Variants in KANTR observed in about 807,000 individuals in gnomAD.
KANTR encodes KANTR integral membrane protein.
downstream of KANTR, among the ~76,000 whole-genome samples, chrX:53,145,600 A>G (rs1933563797): frequency 8.9e-6 from 1 of 112,394 alleles, no homozygotes; most frequent in Non-Finnish European, 1.9e-5. Flanking sequence ...AAAAGGCAGC[A>G]GAATCCTCTG....
chrX:53,142,970 T>C, downstream of KANTR: 1 of 968,403 alleles, frequency 1.0e-6, no homozygotes, highest in Non-Finnish European at 1.5e-6. Context: ...TTGATCTTCA[T>C]GGTGCTGGAT....
intron 1 of KANTR, 103 bp downstream of exon 1, chrX:53,094,387 C>T (rs1429516851): frequency 8.9e-6 from 1 of 112,223 alleles, no homozygotes; most frequent in South Asian, 3.6e-4. Context: ...CTGGGGCGGC[C>T]TCTCAACCCT....
At chrX:53,105,854 C>CTTTTTT (rs1181859013) in intron 2 of KANTR, among the ~76,000 whole-genome samples, 3 of 72,071 alleles carry the variant, frequency 4.2e-5, no homozygotes, top group South Asian at 6.6e-4. Flanking sequence ...ATGTTTTTTT[C>CTTTTTT]TTTTTTTTTT....
At chrX:53,129,651 C>T (rs969765185), downstream of KANTR, among the ~76,000 whole-genome samples, 16 of 109,515 alleles carry the variant, frequency 1.5e-4, no homozygotes, top group Non-Finnish European at 2.8e-4. Context: ...TAATTTTTTT[C>T]GTAGGTGTTC....
chrX:53,140,184 G>A (rs2146758136), intron 2 of KANTR, among the ~76,000 whole-genome samples: 1 of 112,335 alleles, frequency 8.9e-6, no homozygotes, highest in African/African-American at 3.2e-5. Flanking sequence ...CTGTCTGGAA[G>A]TACCTTGTCA....
At chrX:53,114,977 T>C (rs1384705639) in intron 2 of KANTR, among the ~76,000 whole-genome samples, 1 of 107,655 alleles carries the variant, frequency 9.3e-6, no homozygotes, top group Non-Finnish European at 1.9e-5. Context: ...GCCTGGATTC[T>C]CTAGGCCCAG....
At chrX:53,121,223 A>T (rs1017060285) in intron 2 of KANTR, among the ~76,000 whole-genome samples, 5 of 110,822 alleles carry the variant, frequency 4.5e-5, no homozygotes, top group African/African-American at 1.6e-4. Flanking sequence ...GGTCTCTCGA[A>T]CTCCTGACCT....
chrX:53,139,505 A>T (rs1187237832), intron 2 of KANTR, among the ~76,000 whole-genome samples: 2 of 111,890 alleles, frequency 1.8e-5, no homozygotes, highest in Non-Finnish European at 3.8e-5. Flanking sequence ...CCTAGAATAT[A>T]AAAAGATTTC....
chrX:53,100,672 C>T (rs1932884350), intron 2 of KANTR, among the ~76,000 whole-genome samples: 1 of 109,187 alleles, frequency 9.2e-6, no homozygotes, highest in African/African-American at 3.3e-5. Context: ...GTGGCGGGCA[C>T]CTGTAATCCC....
At position 53,114,047 on chromosome X, in the gene KANTR, T is replaced by C. The variant is rs1222806815; in HGVS notation, c.-804-9422T>C. On this transcript the variant is annotated intron_variant, in intron 2 of 2. Coordinates refer to ENST00000604062, the Ensembl canonical transcript of KANTR. ...CCAAGTAACTGGGACCACAGACATG[T>C]GCCACTACATCCAGCTAATTTTTTT... Among the ~76,000 whole-genome samples the C allele has an allele frequency of 8.2e-5, 9 of 110,377 alleles. No homozygotes were observed. The Admixed American group carries it at 8.7e-4, about 11-fold the overall frequency.
chrX:53,094,536 C>G (rs1932832815), intron 1 of KANTR: 2 of 111,812 alleles, frequency 1.8e-5, no homozygotes, highest in South Asian at 7.5e-4. Flanking sequence ...ACCTCCCACC[C>G]TCAGTGTCTT....
chrX:53,099,205 T>C (rs1556811424), intron 1 of KANTR, among the ~76,000 whole-genome samples: 2 of 110,798 alleles, frequency 1.8e-5, no homozygotes, highest in African/African-American at 6.6e-5. Context: ...ACCTTGTCTC[T>C]ACTAAATATA....
chrX:53,108,425 C>T (rs1932981967), intron 2 of KANTR, among the ~76,000 whole-genome samples: 1 of 110,519 alleles, frequency 9.0e-6, no homozygotes, highest in Non-Finnish European at 1.9e-5. Flanking sequence ...TGGTCTCGAA[C>T]TCCTGGCCTC....
chrX:53,111,538 A>G (rs1401302562), intron 2 of KANTR, among the ~76,000 whole-genome samples: 2 of 111,982 alleles, frequency 1.8e-5, no homozygotes, highest in East Asian at 2.8e-4. Flanking sequence ...TAAGCAATCT[A>G]CACACCACCA....
At chrX:53,113,615 C>G (rs1933076809) in intron 2 of KANTR, among the ~76,000 whole-genome samples, 1 of 97,544 alleles carries the variant, frequency 1.0e-5, no homozygotes, top group Non-Finnish European at 2.1e-5. Context: ...CTGTCACCCA[C>G]CCACTCCAGG....
At chrX:53,133,114 TC>T (rs782261409) in intron 2 of KANTR, among the ~76,000 whole-genome samples, 1 of 110,187 alleles carries the variant, frequency 9.1e-6, no homozygotes, top group South Asian at 3.9e-4. Flanking sequence ...ACACCTGTAA[TC>T]CCAGCACTTC....
At chrX:53,129,235 T>TTGTGTGTGTGTGTGTGTGTG (rs57493383), downstream of KANTR, among the ~76,000 whole-genome samples, 85 of 83,348 alleles carry the variant, frequency 1.0e-3, 1 homozygote, top group South Asian at 1.5e-3. Context: ...GCCTGGCTAT[T>TTGTGTGTGTGTGTGTGTGTG]TGTGTGTGTG....
intron 2 of KANTR, among the ~76,000 whole-genome samples, chrX:53,141,051 C>T (rs1556818395): frequency 1.8e-5 from 2 of 112,220 alleles, no homozygotes; most frequent in Non-Finnish European, 3.8e-5. Flanking sequence ...ATCCTAGCTA[C>T]TCAGGAAGCT....
chrX:53,143,637 G>A (rs147880189), downstream of KANTR: 12 of 736,564 alleles, frequency 1.6e-5, no homozygotes, highest in East Asian at 2.3e-4. Flanking sequence ...TGCACAGCTC[G>A]TTGTAGAAGG....
Sources: allele counts gnomAD v4.1 joint callset (sites outside exome capture counted in the v4.1 genomes callset), GRCh38; gene constraint gnomAD v4.1.1; transcripts MANE v1.5; gene names NCBI Gene and HGNC (gene_info 2026-07-23, HGNC 2026-07-21).